FAM120A: variants seen among roughly 807,000 people sequenced by gnomAD.
The protein encoded by FAM120A is family with sequence similarity 120 member A.
FAM120A carries 15 observed loss-of-function variants against 109.7 expected under a neutral mutation model. The observed-to-expected ratio is 0.14, with a 90% CI of 0.09 to 0.21. The LOEUF (loss-of-function observed/expected upper bound fraction) is 0.21, where lower values mean the gene tolerates loss of function less well. FAM120A is among the 10% of genes least tolerant of loss of function. The probability of loss-of-function intolerance (pLI) is 1.00; values close to 1 mark genes in which losing one functional copy is unlikely to be tolerated. For synonymous variants in FAM120A, 493 were observed against 572.8 expected (o/e 0.86, Z 1.99); for missense variants, 899 against 1,439.3 (o/e 0.62, Z 6.07).
chr9:93,462,096 G>GA, intron 1 of FAM120A, among the ~76,000 whole-genome samples: 1 of 152,290 alleles, frequency 6.6e-6, no homozygotes, highest in Non-Finnish European at 1.5e-5. Context: ...TTAATCAAAG[G>GA]AAAAGGAAAA....
Position 93,545,057 on chromosome 9 carries a change from T to C in FAM120A, c.2159+1586T>C, listed in dbSNP as rs148929451. On this transcript the variant is annotated intron_variant, in intron 11 of 17. Coordinates refer to ENST00000277165, the MANE Select transcript of FAM120A (RefSeq NM_014612.5). ...CTGTTTTGATGTTCCCTTTGTCACC[T>C]TGCAAACTGGCCTTCGTCATCTTCT... Among the ~76,000 whole-genome samples, 149 of 152,310 alleles carry C rather than the reference T, an allele frequency of 9.8e-4. 2 individuals carry two copies. The highest frequency in any genetic ancestry group is 6.8e-3 in the Middle Eastern group (2 of 294).
chr9:93,523,650 C>G (rs1196301461), intron 7 of FAM120A, among the ~76,000 whole-genome samples: 1 of 152,192 alleles, frequency 6.6e-6, no homozygotes, highest in Non-Finnish European at 1.5e-5. Context: ...TCTGAACCCT[C>G]ACTTGTGGGG....
intron 7 of FAM120A, among the ~76,000 whole-genome samples, chr9:93,520,937 T>C (rs1390460438): frequency 1.3e-5 from 2 of 152,254 alleles, no homozygotes; most frequent in Non-Finnish European, 2.9e-5. Flanking sequence ...TTCTTTAATA[T>C]CTTATTCAGC....
Position 93,498,677 on chromosome 9 carries a change from C to G in FAM120A, c.934-113C>G, listed in dbSNP as rs1859677880. 1.4e-6 allele frequency: 1 copy of G among 737,056 alleles called. No individual in the cohort carries two copies. Among genetic ancestry groups the G allele is most frequent in the Non-Finnish European group, 2.4e-6 (1 of 413,370 alleles). 45.7% of individuals were successfully genotyped at this position (737,056 alleles called of 1,614,324 possible). A position where few individuals can be genotyped will look rare whatever the true frequency, so the allele number is the denominator to read the frequency against. On this transcript the variant is annotated intron_variant, in intron 4 of 17. Transcript: ENST00000277165. This position sits in a 1 kb window ranked among gnomAD's most constrained non-coding sequence, Gnocchi z 4.4. ...AGTTTTAATGTCATTCAAAATTCTT[C>G]TCTAACTTGAAAAGCTGTAGAATAT...
chr9:93,506,639 C>T (rs1025267635), intron 5 of FAM120A, among the ~76,000 whole-genome samples: 1 of 151,704 alleles, frequency 6.6e-6, no homozygotes, highest in African/African-American at 2.4e-5. Context: ...GCTCTGTCGC[C>T]CAGACTGGAG....
At chr9:93,536,512 C>G (rs1440927566) in intron 10 of FAM120A, among the ~76,000 whole-genome samples, 2 of 152,222 alleles carry the variant, frequency 1.3e-5, no homozygotes, top group Non-Finnish European at 2.9e-5. Context: ...TATTATCAGA[C>G]AGAACTATTC....
intron 17 of FAM120A, 141 bp from the exon 18 acceptor site, chr9:93,564,088 G>C: frequency 1.2e-6 from 1 of 800,028 alleles, no homozygotes; most frequent in Non-Finnish European, 2.0e-6. Flanking sequence ...AAAAGTCAAA[G>C]CAAAGACAGG....
chr9:93,554,120 T>TATACAC (rs1554786169), intron 12 of FAM120A, among the ~76,000 whole-genome samples: 5 of 87,404 alleles, frequency 5.7e-5, no homozygotes, highest in Admixed American at 1.3e-4. Flanking sequence ...GGCCATTTGA[T>TATACAC]ACACACACAC....
At chr9:93,461,890 G>A (rs1857805856) in intron 1 of FAM120A, among the ~76,000 whole-genome samples, 1 of 152,146 alleles carries the variant, frequency 6.6e-6, no homozygotes, top group African/African-American at 2.4e-5. Flanking sequence ...ACTTGAAAAA[G>A]CCTGAAATCC....
rs925827572 is a variant in FAM120A at position 93,543,423 on chromosome 9, A to G, written c.2111A>G (p.Asn704Ser). The G allele has an allele frequency of 4.3e-6, 7 of 1,613,848 alleles. No individual in the cohort carries two copies. In the African/African-American group the frequency reaches 9.4e-5, roughly 22 times the overall value. ...AGGTCGGACACCCCAGCCATGCTCA[A>G]CCCTGCCAACGTGCCCACTCACCTC... ...CMRSDTPAML[N>S]PANVPTHLMV... The change falls in exon 11 of 18, where the codon AAC becomes AGC. Residue 704 changes from asparagine to serine, a missense_variant. This residue lies in a region of FAM120A where 133 missense variants were observed against 276.6 expected (regional missense o/e 0.48). Coordinates refer to ENST00000277165, the MANE Select transcript of FAM120A (RefSeq NM_014612.5).
At chr9:93,481,787 T>C (rs1462243800) in intron 3 of FAM120A, among the ~76,000 whole-genome samples, 1 of 152,202 alleles carries the variant, frequency 6.6e-6, no homozygotes, top group African/African-American at 2.4e-5. Flanking sequence ...CCCAGTCTTT[T>C]TGAAAGACCC....
chr9:93,455,407 C>T (rs1564302472), intron 1 of FAM120A, among the ~76,000 whole-genome samples: 1 of 152,110 alleles, frequency 6.6e-6, no homozygotes, highest in Non-Finnish European at 1.5e-5. Flanking sequence ...TGGAACTGTT[C>T]TGTATTCTGA....
Position 93,452,650 on chromosome 9 carries a change from C to T in FAM120A, c.474+261C>T, listed in dbSNP as rs896251479. ...GGACACTTGAGGGCTGGGAGAGAGC[C>T]CCGGACCAGAATTCGGAGGCGACAG... On this transcript the variant is annotated intron_variant, in intron 1 of 17. Transcript: ENST00000277165. The surrounding 1 kb of genome is among the most constrained non-coding windows in gnomAD (Gnocchi z 7.0). The T allele has an allele frequency of 3.1e-6, 5 of 1,598,946 alleles. No homozygotes were observed. The African/African-American group carries it at 6.7e-5, about 21-fold the overall frequency.
chr9:93,539,097 G>A lies in FAM120A; in HGVS notation c.1910-4125G>A, dbSNP rs372564424. On this transcript the variant is annotated intron_variant, in intron 10 of 17. Coordinates refer to ENST00000277165, the MANE Select transcript of FAM120A (RefSeq NM_014612.5). ...ACTGCAAGCTCCGCCTCCTGGGTTG[G>A]CACCATTCTCCTGCCTCAGCCTCCC... Among the ~76,000 whole-genome samples the A allele has an allele frequency of 2.0e-5, 3 of 151,244 alleles. No homozygotes were observed. In the East Asian group the frequency reaches 5.9e-4, roughly 30 times the overall value.
intron 2 of FAM120A, among the ~76,000 whole-genome samples, chr9:93,472,808 G>A (rs1024323142): frequency 5.3e-5 from 8 of 152,032 alleles, no homozygotes; most frequent in South Asian, 2.1e-4. Flanking sequence ...AAACGATTGC[G>A]CTATTGATTT....
In FAM120A at chr9:93,499,010, A is replaced by G; in HGVS notation, c.1030+124A>G. Reference sequence around the variant, plus strand: ...ATGATTTTCTGTAGTTATGCCAGTAAGTATAGCCAAACTTCCTGGGCAGAC... The same window carrying G: ...ATGATTTTCTGTAGTTATGCCAGTAGGTATAGCCAAACTTCCTGGGCAGAC... On this transcript the variant is annotated intron_variant, in intron 5 of 17. Transcript: ENST00000277165. The G allele has an allele frequency of 5.6e-6, 4 of 715,588 alleles. No individual in the cohort carries two copies. In the South Asian group the frequency reaches 6.6e-5, roughly 12 times the overall value. The allele number at this position is 715,588 out of a possible 1,614,324, so 44.3% of individuals were successfully genotyped here. A position where few individuals can be genotyped will look rare whatever the true frequency, so the allele number is the denominator to read the frequency against.
At chr9:93,477,721 C>G (rs1396489943) in intron 3 of FAM120A, among the ~76,000 whole-genome samples, 1 of 152,168 alleles carries the variant, frequency 6.6e-6, no homozygotes, top group African/African-American at 2.4e-5. Flanking sequence ...TGAGATACTC[C>G]CAAGGTTTCT....
intron 5 of FAM120A, among the ~76,000 whole-genome samples, chr9:93,513,561 T>A (rs1305848700): frequency 6.6e-6 from 1 of 152,182 alleles, no homozygotes; most frequent in Non-Finnish European, 1.5e-5. Context: ...ATACTGCAGT[T>A]GTTTTTGTTT....
At chr9:93,462,252 C>T (rs1256330665) in intron 1 of FAM120A, among the ~76,000 whole-genome samples, 1 of 152,094 alleles carries the variant, frequency 6.6e-6, no homozygotes, top group Non-Finnish European at 1.5e-5. Flanking sequence ...CCAATTTAAC[C>T]ATTTTTAAAT....
Sources: allele counts gnomAD v4.1 joint callset (sites outside exome capture counted in the v4.1 genomes callset), GRCh38; gene constraint gnomAD v4.1.1; regional missense constraint gnomAD v4.1.1; non-coding constraint Gnocchi (gnomAD v3.1); transcripts MANE v1.5; gene names NCBI Gene and HGNC (gene_info 2026-07-23, HGNC 2026-07-21).